PCDH11X: variants seen among roughly 807,000 people sequenced by gnomAD.
The protein encoded by PCDH11X is protocadherin 11 X-linked.
Under a neutral mutation model 53.3 loss-of-function variants are expected in PCDH11X, and 18 were observed. The observed-to-expected ratio is 0.34, with a 90% confidence interval of 0.23 to 0.50. The LOEUF is 0.50. Among genes scored for constraint, PCDH11X ranks in the 20% least tolerant of loss-of-function variants. The pLI is 0.98. For missense variants in PCDH11X, 570 were observed against 1,032.4 expected, an observed-to-expected ratio of 0.55 and a Z score of 6.14; for synonymous variants, 279 against 393.3, an observed-to-expected ratio of 0.71 and a Z score of 3.44.
chrX:92,038,151 T>G (rs2148025587), intron 6 of PCDH11X, among the ~76,000 whole-genome samples: 1 of 111,311 alleles, frequency 9.0e-6, no homozygotes, highest in East Asian at 2.8e-4. Flanking sequence ...AATCTCATTT[T>G]CTGAGGAGAA....
intron 6 of PCDH11X, among the ~76,000 whole-genome samples, chrX:91,998,559 GT>G: frequency 9.3e-6 from 1 of 107,353 alleles, no homozygotes; most frequent in East Asian, 2.9e-4. Flanking sequence ...CATCTTTATT[GT>G]TTTTTTATCC....
intron 7 of PCDH11X, among the ~76,000 whole-genome samples, chrX:92,213,127 A>C (rs2148339129): frequency 8.9e-6 from 1 of 112,028 alleles, no homozygotes; most frequent in South Asian, 3.7e-4. Flanking sequence ...CTAAATATAA[A>C]AAAATCAACA....
intron 6 of PCDH11X, among the ~76,000 whole-genome samples, chrX:92,148,071 TTTC>T (rs1369093594): frequency 1.0e-4 from 1 of 9,968 alleles, no homozygotes; most frequent in Non-Finnish European, 1.6e-4. Flanking sequence ...TCTTTCTTTC[TTTC>T]TTTCTTTCTT....
rs771293997 is a variant in PCDH11X at position 91,811,237 on chromosome X, C to T, written c.-103C>T. On this transcript the variant is annotated splice_region_variant and 5_prime_UTR_variant, in exon 4 of 11. Transcript: ENST00000682573. ...CCTCTTTTTATCCCCCACTCAACAG[C>T]TGATTGCAGAGCACTATGAGGACTG... The T allele has an allele frequency of 9.1e-6, 11 of 1,203,425 alleles. No homozygotes were observed. In the Admixed American group the frequency reaches 2.5e-4, roughly 27 times the overall value.
chrX:92,550,913 G>A lies in PCDH11X; in HGVS notation c.3368-67351G>A, dbSNP rs764499902. Among the ~76,000 whole-genome samples, 4 of 108,711 alleles carry A rather than the reference G, an allele frequency of 3.7e-5. No individual in the cohort carries two copies. The Admixed American group carries it at 4.0e-4, about 11-fold the overall frequency. 94.4% of individuals were successfully genotyped at this position (108,711 alleles called of 115,157 possible). On this transcript the variant is annotated intron_variant, in intron 10 of 10. Transcript: ENST00000682573. Reference sequence around the variant, plus strand: ...TCCATTCATATTGTTGCATATGACTGGATCTCATTCTTTTTTATGGCTAAA... The same window carrying A: ...TCCATTCATATTGTTGCATATGACTAGATCTCATTCTTTTTTATGGCTAAA...
chrX:92,276,505 A>C (rs1295327949), intron 8 of PCDH11X, among the ~76,000 whole-genome samples: 1 of 110,208 alleles, frequency 9.1e-6, no homozygotes, highest in Non-Finnish European at 1.9e-5. Flanking sequence ...TGGTGGTCAG[A>C]TTACTGGCAC....
intron 5 of PCDH11X, among the ~76,000 whole-genome samples, chrX:91,846,287 T>G (rs1367258228): frequency 9.0e-6 from 1 of 111,518 alleles, no homozygotes; most frequent in East Asian, 2.8e-4. Flanking sequence ...TAGATACAGC[T>G]ATAAGTAAAC....
intron 6 of PCDH11X, among the ~76,000 whole-genome samples, chrX:92,191,901 C>T (rs1328962547): frequency 8.9e-6 from 1 of 111,763 alleles, no homozygotes; most frequent in East Asian, 2.8e-4. Flanking sequence ...ACATACAGGA[C>T]AGCAACCTCC....
At chrX:91,919,737 A>T (rs1014963215) in intron 6 of PCDH11X, among the ~76,000 whole-genome samples, 1 of 111,233 alleles carries the variant, frequency 9.0e-6, no homozygotes. Context: ...TCCTTGTCAC[A>T]TTCTTAGGTA....
chrX:92,245,736 T>C (rs1210640329), intron 7 of PCDH11X, among the ~76,000 whole-genome samples: 1 of 112,049 alleles, frequency 8.9e-6, no homozygotes, highest in African/African-American at 3.2e-5. Flanking sequence ...GGAGGATAGA[T>C]TGTTAAACCT....
rs780405105 is a variant in PCDH11X, at chrX:92,281,926, C to T, written c.3144+18783C>T. 1.1e-3 allele frequency among the ~76,000 whole-genome samples: 120 copies of T among 111,527 alleles called. 1 individual carries two copies. The highest frequency in any genetic ancestry group is 3.7e-3 in the African/African-American group (115 of 30,778). On this transcript the variant is annotated intron_variant, in intron 8 of 10. Coordinates refer to ENST00000682573, the MANE Select transcript of PCDH11X (RefSeq NM_032968.5). The stretch of plus-strand genomic sequence containing the variant: ...ACTGAGATATATCTTCAGATTTAGA[C>T]CTTATTCTAAGGTAAGTTGTGACAT...
In PCDH11X at chrX:92,217,034, A is replaced by C. The variant is rs186446175; in HGVS notation, c.3114+15579A>C. Among the ~76,000 whole-genome samples the C allele has an allele frequency of 7.2e-5, 8 of 111,441 alleles. No individual in the cohort carries two copies. In the East Asian group the frequency reaches 1.7e-3, roughly 24 times the overall value. On this transcript the variant is annotated intron_variant, in intron 7 of 10. Transcript: ENST00000682573. ...TTTTGTCACCACCAGGCCTTCTCTA[A>C]AAGAGCTCCTGAAGGAAACACTAAA...
chrX:92,330,136 T>TA (rs1269966356), intron 8 of PCDH11X, among the ~76,000 whole-genome samples: 12 of 109,459 alleles, frequency 1.1e-4, no homozygotes, highest in Non-Finnish European at 2.3e-4. Context: ...AATTAAAAAT[T>TA]TAAAAAAAAA....
intron 6 of PCDH11X, among the ~76,000 whole-genome samples, chrX:92,170,711 C>T (rs1321100374): frequency 9.2e-6 from 1 of 108,553 alleles, no homozygotes; most frequent in Non-Finnish European, 1.9e-5. Flanking sequence ...AATCCTCCTG[C>T]TTCAGCCTTC....
chrX:92,463,949 C>T (rs2073104043), intron 9 of PCDH11X, among the ~76,000 whole-genome samples: 1 of 111,540 alleles, frequency 9.0e-6, no homozygotes, highest in South Asian at 3.8e-4. Context: ...AAGCAAAATT[C>T]TGTTAATGTA....
At chrX:92,430,998 A>G (rs2072239436) in intron 9 of PCDH11X, among the ~76,000 whole-genome samples, 1 of 109,390 alleles carries the variant, frequency 9.1e-6, no homozygotes, top group South Asian at 3.9e-4. Context: ...TCTTCTAATC[A>G]GTTTACAAAG....
intron 6 of PCDH11X, among the ~76,000 whole-genome samples, chrX:92,170,760 G>A (rs1448149149): frequency 9.5e-6 from 1 of 105,013 alleles, no homozygotes; most frequent in African/African-American, 3.4e-5. Flanking sequence ...AACGAGCCTA[G>A]CTAATTTGCT....
At chrX:92,494,269 G>A (rs1018943045) in intron 10 of PCDH11X, among the ~76,000 whole-genome samples, 4 of 105,766 alleles carry the variant, frequency 3.8e-5, no homozygotes, top group African/African-American at 1.4e-4. Flanking sequence ...TGAAAGTCAT[G>A]CATATATGGT....
intron 5 of PCDH11X, among the ~76,000 whole-genome samples, chrX:91,848,176 G>C (rs1158757163): frequency 1.9e-5 from 2 of 108,092 alleles, no homozygotes; most frequent in African/African-American, 6.7e-5. Context: ...GCTCTGAGTG[G>C]TTTTTGTAAG....
Sources: gnomAD v4.1 joint callset for allele counts (sites outside exome capture counted in the v4.1 genomes callset) on GRCh38, gnomAD v4.1.1 for gene constraint, MANE v1.5 for transcripts, NCBI Gene and HGNC (gene_info 2026-07-23, HGNC 2026-07-21) for gene names.